The following IWS1 variants were observed in gnomAD, a reference collection of about 807,000 sequenced individuals.
IWS1 encodes protein IWS1 homolog.
IWS1 carries 27 observed loss-of-function variants against 86.7 expected under a neutral mutation model. That is an observed-to-expected ratio of 0.31 (90% CI 0.23 to 0.43). IWS1 has a LOEUF of 0.43. IWS1 is among the 20% of genes least tolerant of loss of function. IWS1 has a pLI of 1.00. For synonymous variants in IWS1, 313 were observed against 335.1 expected (o/e 0.93, Z 0.72); for missense variants, 827 against 1,000.8 (o/e 0.83, Z 2.34).
chr2:127,525,237 G>A (rs908717439), intron 1 of IWS1, among the ~76,000 whole-genome samples: 3 of 152,084 alleles, frequency 2.0e-5, no homozygotes, highest in African/African-American at 7.2e-5. Flanking sequence ...TGGGATTACA[G>A]GCATAATCCA....
Position 127,503,582 on chromosome 2 carries a change from G to C in IWS1, c.1220-6C>G. On this transcript the variant is annotated splice_region_variant and splice_polypyrimidine_tract_variant and intron_variant, in intron 3 of 13. Transcript: ENST00000295321. ...AACACGACTCTTCTTTGCTGCTGTT[G>C]AAAAAGAAAATCATCATTAATTTTA... 1 of 1,553,456 alleles carries C rather than the reference G, an allele frequency of 6.4e-7. No individual in the cohort carries two copies. Among genetic ancestry groups the C allele is most frequent in the Non-Finnish European group, 8.7e-7 (1 of 1,148,202 alleles).
intron 5 of IWS1, among the ~76,000 whole-genome samples, chr2:127,500,189 T>G (rs1046093704): frequency 3.9e-5 from 6 of 152,180 alleles, no homozygotes; most frequent in African/African-American, 1.2e-4. Flanking sequence ...CTAAAAAAAT[T>G]TTTAAAGAAA....
Position 127,505,141 on chromosome 2 carries a change from G to A in IWS1, c.762C>T (p.Asp254=), listed in dbSNP as rs867633423. The change falls in exon 3 of 14, where the codon GAC becomes GAT. Residue 254 remains aspartate, a synonymous_variant. Transcript: ENST00000295321. The surrounding 1 kb of genome is among the most constrained non-coding windows in gnomAD (Gnocchi z 5.0). ...KPRISDSESE[D]PPRHQASDSE... ...AGTCACTGGCCTGGTGCCTCGGAGG[G>A]TCCTCACTTTCTGAGTCACTGATAC... is the stretch of plus-strand genomic sequence containing the variant. The A allele has an allele frequency of 6.2e-7, 1 of 1,610,484 alleles. No homozygotes were observed. Among genetic ancestry groups the A allele is most frequent in the Non-Finnish European group, 8.5e-7 (1 of 1,178,046 alleles).
Position 127,505,604 on chromosome 2 carries a change from C to T in IWS1, c.299G>A (p.Arg100His), listed in dbSNP as rs746988296. The change falls in exon 3 of 14, where the codon CGT (arginine) becomes CAT (histidine). Residue 100 changes from arginine (R) to histidine (H), a missense_variant. By Grantham distance (29) the Arg-to-His change is conservative. Transcript: ENST00000295321. This position sits in a 1 kb window ranked among gnomAD's most constrained non-coding sequence, Gnocchi z 5.0. ...AGAATCGCTTGCAGGAGGCTCTGCACGTTCCTCAGATTCAGAGTCGCTGTC... is the reference window on the plus strand; with the variant it reads ...AGAATCGCTTGCAGGAGGCTCTGCATGTTCCTCAGATTCAGAGTCGCTGTC... ...QKDSDSESEE[R>H]AEPPASDSEN... is the part of the protein sequence containing the mutation. The T allele has an allele frequency of 2.4e-5, 38 of 1,613,660 alleles. No homozygotes were observed. The highest frequency in any genetic ancestry group is 1.6e-4 in the Middle Eastern group (1 of 6,084).
intron 2 of IWS1, among the ~76,000 whole-genome samples, chr2:127,513,829 T>C (rs1691608736): frequency 6.6e-6 from 1 of 152,240 alleles, no homozygotes; most frequent in African/African-American, 2.4e-5. Flanking sequence ...ATCTCTTCTA[T>C]GTGTAAATTT....
In IWS1 at chr2:127,481,682, G is replaced by A. The variant is rs143510185; in HGVS notation, c.2329-507C>T. Among the ~76,000 whole-genome samples, 314 of 152,272 alleles carry A rather than the reference G, an allele frequency of 2.1e-3. 2 individuals carry two copies. The highest frequency in any genetic ancestry group is 3.6e-3 in the Admixed American group (55 of 15,302). On this transcript the variant is annotated intron_variant, in intron 13 of 13. Transcript: ENST00000295321. ...TAAACCCCTAAGTGCAGGAGCTCTT[G>A]AGTTTTTACACTTGGGGTGAATCCC...
In IWS1 at chr2:127,505,894, T is replaced by C. The variant is rs527743020; in HGVS notation, c.151-142A>G. 26 of 558,208 alleles carry C rather than the reference T, an allele frequency of 4.7e-5. No individual in the cohort carries two copies. In the East Asian group the frequency reaches 6.0e-4, roughly 13 times the overall value. 34.6% of individuals were successfully genotyped at this position (558,208 alleles called of 1,614,324 possible). On this transcript the variant is annotated intron_variant, in intron 2 of 13. Transcript: ENST00000295321. The surrounding 1 kb of genome is among the most constrained non-coding windows in gnomAD (Gnocchi z 5.0). The stretch of plus-strand genomic sequence containing the variant: ...GGAGAATTCTTGTCCTATACCCATA[T>C]AGAAACACCCCCACAGAAAGCCAAT...
At chr2:127,513,881 G>C (rs1240911621) in intron 2 of IWS1, among the ~76,000 whole-genome samples, 1 of 152,042 alleles carries the variant, frequency 6.6e-6, no homozygotes, top group Non-Finnish European at 1.5e-5. Context: ...CACAATAATA[G>C]CCTGTATCTT....
rs144380549 is a variant in IWS1, at chr2:127,509,419, T to C, written c.151-3667A>G. On this transcript the variant is annotated intron_variant, in intron 2 of 13. Coordinates refer to ENST00000295321, the MANE Select transcript of IWS1 (RefSeq NM_017969.3). The stretch of plus-strand genomic sequence containing the variant: ...GGTCCTTAGATGCTTTAGAAACATC[T>C]ATAATGCCGCCGGGCGCAGTGGCTC... Among the ~76,000 whole-genome samples the C allele has an allele frequency of 3.3e-5, 5 of 152,226 alleles. No homozygotes were observed. The East Asian group carries it at 5.8e-4, about 18-fold the overall frequency.
chr2:127,515,053 T>C (rs1041993616), intron 2 of IWS1: 21 of 152,258 alleles, frequency 1.4e-4, no homozygotes, highest in African/African-American at 4.8e-4. Context: ...GCAATTCCAA[T>C]AGCTGCATTG....
At chr2:127,484,500 G>A (rs1235104159) in intron 13 of IWS1, 1 of 152,192 alleles carries the variant, frequency 6.6e-6, no homozygotes, top group Admixed American at 6.5e-5. Context: ...CAAGTCCTGA[G>A]TGAATATGCA....
At position 127,502,879 on chromosome 2, in the gene IWS1, A is replaced by C; in HGVS notation, c.1410-7T>G. 1.3e-6 allele frequency: 2 copies of C among 1,497,486 alleles called. No homozygotes were observed. Among genetic ancestry groups the C allele is most frequent in the Non-Finnish European group, 1.9e-6 (2 of 1,079,744 alleles). The allele number at this position is 1,497,486 out of a possible 1,614,324, so 92.8% of individuals were successfully genotyped here. ...TATGTCTGCAATAAGATTTCTAGAAAGTAGACAAATGTAAAAACATTCATT... is the reference window on the plus strand; with the variant it reads ...TATGTCTGCAATAAGATTTCTAGAACGTAGACAAATGTAAAAACATTCATT... On this transcript the variant is annotated splice_region_variant and splice_polypyrimidine_tract_variant and intron_variant, in intron 4 of 13. Transcript: ENST00000295321.
intron 7 of IWS1, 118 bp downstream of exon 7, chr2:127,495,880 C>T (rs1690484902): frequency 3.3e-6 from 3 of 911,440 alleles, no homozygotes; most frequent in African/African-American, 1.7e-5. Flanking sequence ...ACAGTAAATG[C>T]TTTATTACAA....
At chr2:127,519,624 C>A (rs1054415164) in intron 2 of IWS1, among the ~76,000 whole-genome samples, 2 of 152,062 alleles carry the variant, frequency 1.3e-5, no homozygotes, top group Admixed American at 6.6e-5. Flanking sequence ...TGAGTACCAT[C>A]TTATGGTAGC....
Position 127,523,876 on chromosome 2 carries a change from C to A in IWS1, c.35-85G>T, listed in dbSNP as rs1330012170. 4.3e-6 allele frequency: 4 copies of A among 926,276 alleles called. No individual in the cohort carries two copies. The East Asian group carries it at 7.3e-5, about 17-fold the overall frequency. The allele number at this position is 926,276 out of a possible 1,614,324, so 57.4% of individuals were successfully genotyped here. ...AATGAACACACTGAATCAAGAATAA[C>A]GTAAGTGCAAAAGTTACCACTGAGG... On this transcript the variant is annotated intron_variant, in intron 1 of 13. Coordinates refer to ENST00000295321, the MANE Select transcript of IWS1 (RefSeq NM_017969.3).
At chr2:127,483,571 C>CGGGGGGGGGGGGGGGGGGGGGGGGGG (rs1419283644) in intron 13 of IWS1, among the ~76,000 whole-genome samples, 1 of 20,174 alleles carries the variant, frequency 5.0e-5, no homozygotes, top group Admixed American at 7.3e-4. Flanking sequence ...ATAATTTGGT[C>CGGGGGGGGGGGGGGGGGGGGGGGGGG]GGGGCGGGGG....
intron 5 of IWS1, 117 bp from the exon 6 acceptor site, chr2:127,498,354 A>G (rs1690621577): frequency 1.1e-5 from 10 of 931,082 alleles, no homozygotes; most frequent in African/African-American, 3.3e-5. Context: ...TAGATATCAA[A>G]AGGTACATAA....
At chr2:127,503,348 T>C (rs778625118) in intron 4 of IWS1, 39 bp downstream of exon 4, 1 of 1,513,476 alleles carries the variant, frequency 6.6e-7, no homozygotes, top group South Asian at 1.2e-5. Flanking sequence ...TACTGCCTAA[T>C]TAAGAACCCC....
intron 10 of IWS1, among the ~76,000 whole-genome samples, chr2:127,491,226 T>C (rs1475691085): frequency 1.3e-5 from 2 of 152,254 alleles, no homozygotes; most frequent in Non-Finnish European, 2.9e-5. Context: ...CACCGTGCTT[T>C]AGACACAACC....
Sources: allele counts gnomAD v4.1 joint callset (sites outside exome capture counted in the v4.1 genomes callset), GRCh38; gene constraint gnomAD v4.1.1; non-coding constraint Gnocchi (gnomAD v3.1); transcripts MANE v1.5; gene names NCBI Gene and HGNC (gene_info 2026-07-23, HGNC 2026-07-21).